The following ALDH4A1 variants were observed in gnomAD, a reference collection of about 807,000 sequenced individuals.
ALDH4A1 encodes delta-1-pyrroline-5-carboxylate dehydrogenase, mitochondrial.
In ALDH4A1, 46 loss-of-function variants were observed where a neutral mutation model predicts 70.5. That is an observed-to-expected ratio of 0.65 (90% CI 0.51 to 0.83). The LOEUF (loss-of-function observed/expected upper bound fraction) is 0.83, where lower values mean the gene tolerates loss of function less well. Among genes scored for constraint, ALDH4A1 ranks in the 40% least tolerant of loss-of-function variants. The pLI is 0.00. For missense variants in ALDH4A1, 749 were observed against 766.5 expected, an observed-to-expected ratio of 0.98 and a Z score of 0.27; for synonymous variants, 323 against 324.3, an observed-to-expected ratio of 1.00 and a Z score of 0.04.
rs1935465942 is a variant in ALDH4A1, at chr1:18,892,342, C to T, written c.63-2237G>A. Among the ~76,000 whole-genome samples, 3 of 152,166 alleles carry T rather than the reference C, an allele frequency of 2.0e-5. No individual in the cohort carries two copies. In the South Asian group the frequency reaches 6.2e-4, roughly 32 times the overall value. ...CCTGGAGATAAAGCAGTGACAGAGA[C>T]AGCGAGGCCCCTGGCTGCACACAGG... On this transcript the variant is annotated intron_variant, in intron 1 of 14. Transcript: ENST00000375341.
chr1:18,872,884 A>C lies in ALDH4A1; in HGVS notation c.1653T>G (p.His551Gln). ...CGTAGCTCCAGTCCCCCAGGGGCTT[A>C]TGTGTCTCCTTGATGACCTGCGGCG... ...WTSPQVIKET[H>Q]KPLGDWSYAY... Residue 551 changes from histidine to glutamine, a missense_variant, in exon 15 of 15, where the codon CAT (histidine) becomes CAG (glutamine). Physicochemically the swap from His to Gln is conservative, Grantham distance 24. Coordinates refer to ENST00000375341, the MANE Select transcript of ALDH4A1 (RefSeq NM_003748.4). 1 of 1,614,096 alleles carries C rather than the reference A, an allele frequency of 6.2e-7. No homozygotes were observed. Among genetic ancestry groups the C allele is most frequent in the Non-Finnish European group, 8.5e-7 (1 of 1,180,008 alleles).
Position 18,877,234 on chromosome 1 carries a change from A to G in ALDH4A1, c.1159T>C (p.Phe387Leu). 1 of 1,608,302 alleles carries G rather than the reference A, an allele frequency of 6.2e-7. No homozygotes were observed. Among genetic ancestry groups the G allele is most frequent in the African/African-American group, 1.3e-5 (1 of 74,814 alleles). ...VGDPAEDFGT[F>L]FSAVIDAKSF... is the part of the protein sequence containing the mutation. ...TTGGCATCAATCACTGCAGAGAAGA[A>G]GGTCCCAAAATCCTCTGCAGGCTGG... The change falls in exon 11 of 15, where the codon TTC (phenylalanine) becomes CTC (leucine). Residue 387 changes from phenylalanine to leucine, a missense_variant. Physicochemically the swap from Phe to Leu is conservative, Grantham distance 22 (BLOSUM62 0). Coordinates refer to ENST00000375341, the MANE Select transcript of ALDH4A1 (RefSeq NM_003748.4).
intron 12 of ALDH4A1, 53 bp from the exon 13 acceptor site, chr1:18,875,556 C>T: frequency 6.2e-7 from 1 of 1,612,906 alleles, no homozygotes; most frequent in Non-Finnish European, 8.5e-7. Flanking sequence ...GACCAGGGCC[C>T]TGAGCCCTCC....
In ALDH4A1 at chr1:18,898,774, C is replaced by T. The variant is rs1455679727; in HGVS notation, c.62+3688G>A. Among the ~76,000 whole-genome samples the T allele has an allele frequency of 2.6e-5, 4 of 152,184 alleles. No homozygotes were observed. Among genetic ancestry groups the T allele is most frequent in the South Asian group, 2.1e-4 (1 of 4,836 alleles). ...TGTTCTGGACCATCTCAACAGCAAC[C>T]GTTCAACGCCTACTGTGTGCCGGGC... On this transcript the variant is annotated intron_variant, in intron 1 of 14. Transcript: ENST00000375341. This position sits in a 1 kb window ranked among gnomAD's most constrained non-coding sequence, Gnocchi z 4.3.
chr1:18,896,004 C>G (rs751639980), intron 1 of ALDH4A1, among the ~76,000 whole-genome samples: 9 of 152,152 alleles, frequency 5.9e-5, no homozygotes, highest in Non-Finnish European at 1.3e-4. Flanking sequence ...TCCCCATCAC[C>G]CTGCCCCATT....
chr1:18,900,351 T>A (rs917735974), intron 1 of ALDH4A1, among the ~76,000 whole-genome samples: 1 of 152,168 alleles, frequency 6.6e-6, no homozygotes, highest in African/African-American at 2.4e-5. Context: ...AATGCAGACA[T>A]GGCATGTCAC....
rs985021312 is a variant in ALDH4A1 at position 18,898,918 on chromosome 1, A to G, written c.62+3544T>C. Among the ~76,000 whole-genome samples, 1 of 152,196 alleles carries G rather than the reference A, an allele frequency of 6.6e-6. No homozygotes were observed. Among genetic ancestry groups the G allele is most frequent in the Non-Finnish European group, 1.5e-5 (1 of 68,038 alleles). ...AATCACAGGTTTTAATTATTCTCCA[A>G]CTCAAATACTCACAGAGCACGCATT... On this transcript the variant is annotated intron_variant, in intron 1 of 14. Transcript: ENST00000375341. This position sits in a 1 kb window ranked among gnomAD's most constrained non-coding sequence, Gnocchi z 4.3.
At chr1:18,901,443 G>C (rs565472442) in intron 1 of ALDH4A1, among the ~76,000 whole-genome samples, 3 of 152,296 alleles carry the variant, frequency 2.0e-5, no homozygotes, top group East Asian at 3.9e-4. Flanking sequence ...CAAATGGGAG[G>C]GGGGGCTGAT....
chr1:18,882,041 C>T lies in ALDH4A1; in HGVS notation c.679-154G>A, dbSNP rs77483890. Among the ~76,000 whole-genome samples, 1,439 of 151,738 alleles carry T rather than the reference C, an allele frequency of 9.5e-3. 26 individuals carry two copies. Among genetic ancestry groups the T allele is most frequent in the African/African-American group, 0.033 (1,375 of 41,328 alleles). On this transcript the variant is annotated intron_variant, in intron 7 of 14. Coordinates refer to ENST00000375341, the MANE Select transcript of ALDH4A1 (RefSeq NM_003748.4). ...CCTACCCGACCCCACTCCTCCAAGG[C>T]GTCTGGCCCTATCTCCAAAAGTCCC...
chr1:18,889,951 G>A, intron 2 of ALDH4A1, 61 bp downstream of exon 2: 1 of 1,392,654 alleles, frequency 7.2e-7, no homozygotes, highest in Admixed American at 2.0e-5. Flanking sequence ...TCTCAGGGCT[G>A]CTGGGGATGG....
At position 18,889,380 on chromosome 1, in the gene ALDH4A1, G is replaced by T. The variant is rs1457552315; in HGVS notation, c.231C>A (p.Asp77Glu). 2.6e-6 allele frequency: 4 copies of T among 1,552,364 alleles called. No individual in the cohort carries two copies. The highest frequency in any genetic ancestry group is 3.5e-6 in the Non-Finnish European group (4 of 1,147,440). ...GACATACCGACACTTGGTACTGCAC[G>T]TCCGACGTCCACACCTCCTCATCCC... is the stretch of plus-strand genomic sequence containing the variant. ...VVGDEEVWTS[D>E]VQYQVSPFNH... is the part of the protein sequence containing the mutation. Residue 77 changes from aspartate (D) to glutamate (E), a missense_variant, in exon 3 of 15, where the codon GAC becomes GAA. Transcript: ENST00000375341.
At chr1:18,882,014 C>A in intron 7 of ALDH4A1, 127 bp from the exon 8 acceptor site, 2 of 965,514 alleles carry the variant, frequency 2.1e-6, no homozygotes, top group Non-Finnish European at 1.6e-6. Context: ...ACCAGGACAT[C>A]CCCTACCCGA....
chr1:18,895,272 C>A (rs1935579166), intron 1 of ALDH4A1, among the ~76,000 whole-genome samples: 1 of 152,232 alleles, frequency 6.6e-6, no homozygotes, highest in African/African-American at 2.4e-5. Context: ...CCCTGAAAAT[C>A]TGCAGTGCCC....
rs1935383530 is a variant in ALDH4A1, at chr1:18,890,193, C to T, written c.63-88G>A. The T allele has an allele frequency of 7.2e-6, 8 of 1,104,952 alleles. No homozygotes were observed. In the East Asian group the frequency reaches 1.3e-4, roughly 18 times the overall value. The allele number at this position is 1,104,952 out of a possible 1,614,324, so 68.4% of individuals were successfully genotyped here. On this transcript the variant is annotated intron_variant, in intron 1 of 14. Coordinates refer to ENST00000375341, the MANE Select transcript of ALDH4A1 (RefSeq NM_003748.4). ...AGCCCCTCTACCTCCGACAGGGGGT[C>T]CTAGGTGGGCACCCAGAGCCTGAAA...
Position 18,885,458 on chromosome 1 carries a change from C to CCCCCCCCCCCCCCCCCCAAACA in ALDH4A1, c.453+14_453+15insTGTTTGGGGGGGGGGGGGGGGG. The CCCCCCCCCCCCCCCCCCAAACA allele has an allele frequency of 6.7e-7, 1 of 1,489,008 alleles. No individual in the cohort carries two copies. The allele number at this position is 1,489,008 out of a possible 1,614,324, so 92.2% of individuals were successfully genotyped here. Reference sequence around the variant, plus strand: ...CCCACCCCGCCCCACCCACCCGGGCCCACCAGCACCTCACCTGTCCCACCA... The same window carrying CCCCCCCCCCCCCCCCCCAAACA: ...CCCACCCCGCCCCACCCACCCGGGCCCCCCCCCCCCCCCCCCCAAACACACCAGCACCTCACCTGTCCCACCA... On this transcript the variant is annotated intron_variant, in intron 5 of 14. Transcript: ENST00000375341.
intron 1 of ALDH4A1, among the ~76,000 whole-genome samples, chr1:18,891,995 T>C (rs920600242): frequency 2.6e-5 from 4 of 151,262 alleles, no homozygotes; most frequent in African/African-American, 9.8e-5. Flanking sequence ...GCCACTGCAC[T>C]CCAGCCTGGA....
chr1:18,897,726 A>G (rs758157279), intron 1 of ALDH4A1, among the ~76,000 whole-genome samples: 14 of 152,220 alleles, frequency 9.2e-5, no homozygotes, highest in Non-Finnish European at 1.9e-4. Context: ...GGAGACTTAC[A>G]GTATGGCTGA....
At chr1:18,894,238 TCCCCA>T (rs1455410129) in intron 1 of ALDH4A1, among the ~76,000 whole-genome samples, 1 of 152,124 alleles carries the variant, frequency 6.6e-6, no homozygotes, top group Non-Finnish European at 1.5e-5. Context: ...CCATATTCCA[TCCCCA>T]GGTTAAAACG....
intron 2 of ALDH4A1, 40 bp downstream of exon 2, chr1:18,889,972 A>T: frequency 6.6e-7 from 1 of 1,513,986 alleles, no homozygotes; most frequent in Non-Finnish European, 9.0e-7. Flanking sequence ...CCTCTGCTCC[A>T]TGCCCTGCAC....
Sources: gnomAD v4.1 joint callset for allele counts (sites outside exome capture counted in the v4.1 genomes callset) on GRCh38, gnomAD v4.1.1 for gene constraint, Gnocchi (gnomAD v3.1) non-coding constraint, MANE v1.5 for transcripts, NCBI Gene and HGNC (gene_info 2026-07-23, HGNC 2026-07-21) for gene names.